Variants in ENOX1 observed in about 807,000 individuals in gnomAD.
ENOX1 encodes candidate growth-related and time keeping constitutive hydroquinone (NADH) oxidase.
ENOX1 carries 42 observed loss-of-function variants against 82.5 expected under a neutral mutation model. The observed-to-expected ratio is 0.51, with a 90% CI of 0.40 to 0.66. ENOX1 has a LOEUF of 0.66. Among genes scored for constraint, ENOX1 ranks in the 30% least tolerant of loss-of-function variants. The pLI is 0.00. For missense variants in ENOX1, 608 were observed against 811.6 expected, an observed-to-expected ratio of 0.75 and a Z score of 3.05; for synonymous variants, 271 against 282.2, an observed-to-expected ratio of 0.96 and a Z score of 0.40.
chr13:43,235,387 C>A (rs990925784), intron 15 of ENOX1, among the ~76,000 whole-genome samples: 1 of 152,174 alleles, frequency 6.6e-6, no homozygotes, highest in Admixed American at 6.5e-5. Flanking sequence ...GCCAGCTTCT[C>A]TAGGTCCTGT....
chr13:43,322,490 A>G lies in ENOX1; in HGVS notation c.1155T>C (p.Asn385=), dbSNP rs1272673324. 2 of 1,613,602 alleles carry G rather than the reference A, an allele frequency of 1.2e-6. No individual in the cohort carries two copies. Among genetic ancestry groups the G allele is most frequent in the South Asian group, 1.1e-5 (1 of 90,948 alleles). Residue 385 remains asparagine (N), a synonymous_variant, in exon 11 of 17, where the codon AAT becomes AAC. Coordinates refer to ENST00000690772, the MANE Select transcript of ENOX1 (RefSeq NM_001347969.2). ...IWRKHSEELR[N]AQSEQLMGIR... ...TGCCCATGAGCTGCTCACTTTGAGC[A>G]TTCCGGAGCTCCTGCAAGTAGAGGA...
chr13:43,403,345 G>A (rs987645091), intron 5 of ENOX1, among the ~76,000 whole-genome samples: 1 of 152,122 alleles, frequency 6.6e-6, no homozygotes, highest in Non-Finnish European at 1.5e-5. Flanking sequence ...TTCATTCCAT[G>A]GAATAGAAAA....
At chr13:43,734,190 T>TTTG (rs1298026207) in intron 1 of ENOX1, among the ~76,000 whole-genome samples, 1 of 150,242 alleles carries the variant, frequency 6.7e-6, no homozygotes, top group African/African-American at 2.5e-5. Context: ...AAGAGACAAT[T>TTTG]TTGTTGTTGG....
intron 2 of ENOX1, among the ~76,000 whole-genome samples, chr13:43,542,524 C>T (rs2078786745): frequency 6.6e-6 from 1 of 151,680 alleles, no homozygotes. Flanking sequence ...CAACCTCTGC[C>T]TCCCAGGCTC....
chr13:43,682,401 G>T (rs1306963406), intron 1 of ENOX1, among the ~76,000 whole-genome samples: 1 of 152,088 alleles, frequency 6.6e-6, no homozygotes, highest in Non-Finnish European at 1.5e-5. Context: ...CTTTTAGTAG[G>T]CTAGACCTGC....
intron 5 of ENOX1, among the ~76,000 whole-genome samples, chr13:43,364,894 C>T (rs1382659977): frequency 6.6e-6 from 1 of 152,108 alleles, no homozygotes; most frequent in African/African-American, 2.4e-5. Context: ...TGGGAGAGAG[C>T]CTGGTAGGCC....
chr13:43,584,430 A>G (rs2153721444), intron 2 of ENOX1, among the ~76,000 whole-genome samples: 1 of 152,322 alleles, frequency 6.6e-6, no homozygotes, highest in African/African-American at 2.4e-5. Flanking sequence ...ATGCATGTAT[A>G]ATTTGTTATG....
chr13:43,692,969 C>T (rs2086443920), intron 1 of ENOX1, among the ~76,000 whole-genome samples: 1 of 152,030 alleles, frequency 6.6e-6, no homozygotes, highest in Admixed American at 6.6e-5. Context: ...ATTACAGTAT[C>T]ATGTACCATC....
intron 14 of ENOX1, among the ~76,000 whole-genome samples, chr13:43,248,513 T>C (rs569943912): frequency 6.6e-6 from 1 of 152,236 alleles, no homozygotes; most frequent in South Asian, 2.1e-4. Context: ...TTTTCATTTG[T>C]ATCTATTATC....
At chr13:43,429,610 A>G (rs568917795) in intron 3 of ENOX1, among the ~76,000 whole-genome samples, 1 of 152,338 alleles carries the variant, frequency 6.6e-6, no homozygotes, top group African/African-American at 2.4e-5. Flanking sequence ...TTCAATGACC[A>G]GCAATGGCAG....
rs1323383569 is a variant in ENOX1 at position 43,620,298 on chromosome 13, G to T, written c.-219+47181C>A. Among the ~76,000 whole-genome samples, 4 of 151,592 alleles carry T rather than the reference G, an allele frequency of 2.6e-5. No homozygotes were observed. The East Asian group carries it at 7.7e-4, about 29-fold the overall frequency. ...CCTTTCTTCTGCTGGGTTTGAGCTT[G>T]GTTTGTTCTTGTTTCTCTAGTTCCT... On this transcript the variant is annotated intron_variant, in intron 2 of 16. Coordinates refer to ENST00000690772, the MANE Select transcript of ENOX1 (RefSeq NM_001347969.2).
chr13:43,592,407 C>G (rs923863828), intron 2 of ENOX1, among the ~76,000 whole-genome samples: 1 of 152,140 alleles, frequency 6.6e-6, no homozygotes, highest in African/African-American at 2.4e-5. Flanking sequence ...AACATTCATG[C>G]AGCTTTATTT....
intron 15 of ENOX1, among the ~76,000 whole-genome samples, chr13:43,231,979 C>T (rs1268220753): frequency 1.3e-5 from 2 of 152,038 alleles, no homozygotes; most frequent in Non-Finnish European, 2.9e-5. Context: ...GGCAGTTGTG[C>T]AGTGGTGCTG....
intron 2 of ENOX1, among the ~76,000 whole-genome samples, chr13:43,567,200 T>C (rs1215841411): frequency 6.6e-6 from 1 of 152,096 alleles, no homozygotes; most frequent in African/African-American, 2.4e-5. Flanking sequence ...GAAGTTGGGG[T>C]AAAAACCACA....
intron 14 of ENOX1, among the ~76,000 whole-genome samples, chr13:43,246,976 A>G (rs931644152): frequency 5.3e-5 from 8 of 152,214 alleles, no homozygotes; most frequent in Non-Finnish European, 1.0e-4. Context: ...AGTCAGGTCT[A>G]CACAGCTAGC....
intron 1 of ENOX1, among the ~76,000 whole-genome samples, chr13:43,758,219 G>A (rs1950759270): frequency 6.6e-6 from 1 of 151,910 alleles, no homozygotes; most frequent in Non-Finnish European, 1.5e-5. Context: ...CTGGGTGACA[G>A]AGTGAGACTC....
intron 2 of ENOX1, among the ~76,000 whole-genome samples, chr13:43,561,449 C>T (rs1053650538): frequency 6.6e-6 from 1 of 152,130 alleles, no homozygotes; most frequent in Non-Finnish European, 1.5e-5. Context: ...CATATAGGAA[C>T]AGTGCCATCA....
chr13:43,740,147 A>G (rs1479500461), intron 1 of ENOX1, among the ~76,000 whole-genome samples: 2 of 152,154 alleles, frequency 1.3e-5, no homozygotes, highest in Non-Finnish European at 2.9e-5. Flanking sequence ...CAACAGATTC[A>G]TAAGTCGTGA....
At position 43,541,173 on chromosome 13, in the gene ENOX1, G is replaced by GTTT. The variant is rs553504525; in HGVS notation, c.-218-57024_-218-57022dup. 8.7e-4 allele frequency among the ~76,000 whole-genome samples: 56 copies of GTTT among 64,580 alleles called. 7 individuals carry two copies. The highest frequency in any genetic ancestry group is 2.1e-3 in the African/African-American group (43 of 20,120). The allele number at this position is 64,580 out of a possible 152,430, so 42.4% of individuals were successfully genotyped here. On this transcript the variant is annotated intron_variant, in intron 2 of 16. Transcript: ENST00000690772. Reference sequence around the variant, plus strand: ...CTCCAACCTTACACTTCTTCCCTCTGTTTTTTTTTTTTTTTTTTTTTTTTT... The same window carrying GTTT: ...CTCCAACCTTACACTTCTTCCCTCTGTTTTTTTTTTTTTTTTTTTTTTTTTTTT...
Sources: allele counts gnomAD v4.1 joint callset (sites outside exome capture counted in the v4.1 genomes callset), GRCh38; gene constraint gnomAD v4.1.1; transcripts MANE v1.5; gene names NCBI Gene and HGNC (gene_info 2026-07-23, HGNC 2026-07-21).